The following TAMM41 variants were observed in gnomAD, a reference collection of about 807,000 sequenced individuals.
The protein encoded by TAMM41 is phosphatidate cytidylyltransferase, mitochondrial.
In TAMM41, 36 loss-of-function variants were observed where a neutral mutation model predicts 44.1. The ratio of observed to expected loss-of-function variants is 0.82; its 90% CI spans 0.63 to 1.08. The LOEUF (loss-of-function observed/expected upper bound fraction) is 1.08. Among genes scored for constraint, TAMM41 ranks in the 50% least tolerant of loss-of-function variants. TAMM41 has a pLI of 0.00. For missense variants in TAMM41, 417 were observed against 404.3 expected (o/e 1.03, Z -0.27); for synonymous variants, 164 against 153.1 (o/e 1.07, Z -0.53).
chr3:11,798,301 T>C (rs1260520419), intron 7 of TAMM41, among the ~76,000 whole-genome samples: 1 of 152,190 alleles, frequency 6.6e-6, no homozygotes, highest in Non-Finnish European at 1.5e-5. Flanking sequence ...ATATACACCA[T>C]GGAATACTAT....
chr3:11,770,677 G>A, the TAMM41 span, among the ~76,000 whole-genome samples: 10 of 152,202 alleles, frequency 6.6e-5, no homozygotes, highest in Non-Finnish European at 1.3e-4. Flanking sequence ...AGCTGAGACC[G>A]GCTGAGCCAC....
the TAMM41 span, among the ~76,000 whole-genome samples, chr3:11,734,974 G>A: frequency 1.2e-4 from 18 of 151,548 alleles, no homozygotes; most frequent in Admixed American, 9.9e-4. Context: ...GCCTGAACCC[G>A]GGAGGCGGAG....
chr3:11,748,818 T>C, the TAMM41 span, among the ~76,000 whole-genome samples: 1 of 152,108 alleles, frequency 6.6e-6, no homozygotes, highest in African/African-American at 2.4e-5. Flanking sequence ...GTGAGATTTG[T>C]ATCTGTGACA....
the TAMM41 span, among the ~76,000 whole-genome samples, chr3:11,773,252 T>C: frequency 1.3e-5 from 2 of 151,876 alleles, no homozygotes; most frequent in East Asian, 1.9e-4. Context: ...CCACCATCCC[T>C]GGCCAAACCC....
chr3:11,767,206 C>T, the TAMM41 span, among the ~76,000 whole-genome samples: 10 of 151,920 alleles, frequency 6.6e-5, no homozygotes, highest in African/African-American at 2.4e-4. Context: ...GTAGCTGGCA[C>T]TACAGGCGCG....
the TAMM41 span, among the ~76,000 whole-genome samples, chr3:11,770,875 C>G: frequency 1.3e-5 from 2 of 152,168 alleles, no homozygotes; most frequent in East Asian, 3.9e-4. Context: ...CTGTCTCCCC[C>G]TAGTCCCAGG....
Position 11,809,531 on chromosome 3 carries a change from T to A in TAMM41, c.860A>T (p.Asp287Val), listed in dbSNP as rs1179328921. 1 of 1,613,774 alleles carries A rather than the reference T, an allele frequency of 6.2e-7. No homozygotes were observed. The highest frequency in any genetic ancestry group is 8.5e-7 in the Non-Finnish European group (1 of 1,179,994). ...FQVAHDPDCG[D>V]VVRLGLSAIV... ...CATAAACGTACCTAGTCGCACCACA[T>A]CTCCACAGTCGGGATCATGAGCCAC... Residue 287 changes from aspartate (D) to valine (V), a missense_variant, in exon 6 of 8, where the codon GAT becomes GTT. By Grantham distance (152) the Asp-to-Val change is radical. Transcript: ENST00000455809.
the TAMM41 span, among the ~76,000 whole-genome samples, chr3:11,769,184 G>A: frequency 6.6e-6 from 1 of 152,146 alleles, no homozygotes; most frequent in Non-Finnish European, 1.5e-5. Flanking sequence ...TAACCTGACG[G>A]GTTCAAGCGA....
intron 2 of TAMM41, among the ~76,000 whole-genome samples, chr3:11,841,563 T>G (rs2079443346): frequency 6.6e-6 from 1 of 152,222 alleles, no homozygotes. Context: ...AGTAGTCTTT[T>G]GGCATATAAT....
chr3:11,740,102 A>C, the TAMM41 span, among the ~76,000 whole-genome samples: 120 of 151,996 alleles, frequency 7.9e-4, no homozygotes, highest in African/African-American at 2.7e-3. Context: ...CAAAAAAAAC[A>C]CCCCAGATCT....
At chr3:11,772,751 C>G in the TAMM41 span, among the ~76,000 whole-genome samples, 3 of 152,132 alleles carry the variant, frequency 2.0e-5, no homozygotes, top group Admixed American at 2.0e-4. Context: ...TAATGTTTTT[C>G]ATAGAGTTGT....
At chr3:11,778,645 A>C in the TAMM41 span, among the ~76,000 whole-genome samples, 1 of 151,842 alleles carries the variant, frequency 6.6e-6, no homozygotes, top group Non-Finnish European at 1.5e-5. Context: ...TCTTTTTTGG[A>C]AAAAACATCG....
chr3:11,776,404 C>T, the TAMM41 span, among the ~76,000 whole-genome samples: 8 of 152,232 alleles, frequency 5.3e-5, no homozygotes, highest in East Asian at 1.9e-4. Flanking sequence ...CCTTCTGCTT[C>T]GGCCTCCAAA....
At chr3:11,724,625 A>C in the TAMM41 span, among the ~76,000 whole-genome samples, 1 of 150,938 alleles carries the variant, frequency 6.6e-6, no homozygotes, top group Non-Finnish European at 1.5e-5. Context: ...CATGTTGACC[A>C]AGTTGGTCTC....
chr3:11,725,626 G>A, the TAMM41 span, among the ~76,000 whole-genome samples: 4 of 152,066 alleles, frequency 2.6e-5, no homozygotes, highest in East Asian at 1.9e-4. Context: ...TTTTAGTAGC[G>A]ATGGGGTTTC....
the TAMM41 span, among the ~76,000 whole-genome samples, chr3:11,742,071 T>C: frequency 1.3e-5 from 2 of 150,266 alleles, no homozygotes; most frequent in East Asian, 1.9e-4. Flanking sequence ...GTCTACCGTA[T>C]GCATTTTAGA....
chr3:11,770,895 C>T, the TAMM41 span, among the ~76,000 whole-genome samples: 1 of 152,278 alleles, frequency 6.6e-6, no homozygotes, highest in Admixed American at 6.5e-5. Flanking sequence ...GTGTCTCTCC[C>T]CAGAGGGCTG....
At chr3:11,776,749 C>T in the TAMM41 span, among the ~76,000 whole-genome samples, 8 of 152,192 alleles carry the variant, frequency 5.3e-5, no homozygotes, top group African/African-American at 1.4e-4. Flanking sequence ...AACGCTCTTT[C>T]GACTTTACGA....
At chr3:11,839,457 A>T in intron 2 of TAMM41, 143 bp from the exon 3 acceptor site, 2 of 583,000 alleles carry the variant, frequency 3.4e-6, no homozygotes, top group Non-Finnish European at 3.0e-6. Flanking sequence ...TGACTTGTGA[A>T]AACACACATC....
Sources: gnomAD v4.1 joint callset for allele counts (sites outside exome capture counted in the v4.1 genomes callset) on GRCh38, gnomAD v4.1.1 for gene constraint, MANE v1.5 for transcripts, NCBI Gene and HGNC (gene_info 2026-07-23, HGNC 2026-07-21) for gene names.